The following SLIT3 variants were observed in gnomAD, a reference collection of about 807,000 sequenced individuals.
The protein encoded by SLIT3 is slit guidance ligand 3, also known as slit homolog 3 protein.
In SLIT3, 68 loss-of-function variants were observed where a neutral mutation model predicts 184.0. The observed-to-expected ratio is 0.37, with a 90% CI of 0.30 to 0.45. SLIT3 has a LOEUF of 0.45. Among genes scored for constraint, SLIT3 ranks in the 20% least tolerant of loss-of-function variants. The probability of loss-of-function intolerance (pLI) is 1.00; values close to 1 mark genes in which losing one functional copy is unlikely to be tolerated. For synonymous variants in SLIT3, 831 were observed against 828.6 expected (o/e 1.00, Z -0.05); for missense variants, 1,707 against 2,026.0 (o/e 0.84, Z 3.02).
At chr5:169,232,406 G>A (rs893333899) in intron 3 of SLIT3, among the ~76,000 whole-genome samples, 3 of 152,128 alleles carry the variant, frequency 2.0e-5, no homozygotes, top group Admixed American at 6.6e-5. Flanking sequence ...TGTATTTTTA[G>A]TAGAGATGGG....
At chr5:168,692,200 G>C (rs1470684632) in intron 29 of SLIT3, among the ~76,000 whole-genome samples, 1 of 152,348 alleles carries the variant, frequency 6.6e-6, no homozygotes, top group African/African-American at 2.4e-5. Context: ...GCTGCACATG[G>C]AGAAGGTGAC....
At chr5:169,088,704 C>T (rs558089158) in intron 4 of SLIT3, among the ~76,000 whole-genome samples, 151 of 152,070 alleles carry the variant, frequency 9.9e-4, no homozygotes, top group Non-Finnish European at 1.7e-3. Context: ...TGAGGAATAC[C>T]GATTCCAGGC....
At chr5:168,798,313 G>A (rs1474831030) in intron 9 of SLIT3, among the ~76,000 whole-genome samples, 6 of 148,074 alleles carry the variant, frequency 4.1e-5, no homozygotes, top group East Asian at 2.1e-4. Flanking sequence ...AACCTTGAAC[G>A]CCTGGGCTCA....
chr5:168,666,292 G>A lies in SLIT3; in HGVS notation c.*162C>T. 1.7e-6 allele frequency: 1 copy of A among 585,800 alleles called. No homozygotes were observed. Among genetic ancestry groups the A allele is most frequent in the East Asian group, 3.1e-5 (1 of 32,784 alleles). The allele number at this position is 585,800 out of a possible 1,614,324, so 36.3% of individuals were successfully genotyped here. On this transcript the variant is annotated 3_prime_UTR_variant, in exon 36 of 36. Coordinates refer to ENST00000519560, the MANE Select transcript of SLIT3 (RefSeq NM_003062.4). ...TAGTCACTTTCCATAATAAAAATAA[G>A]TTCTATTTTTTGTTTATTTTACAAT...
Position 168,749,537 on chromosome 5 carries a change from T to C in SLIT3, c.2072A>G (p.Gln691Arg), listed in dbSNP as rs749721545. 1.2e-6 allele frequency: 2 copies of C among 1,614,216 alleles called. No homozygotes were observed. The highest frequency in any genetic ancestry group is 1.7e-6 in the Non-Finnish European group (2 of 1,180,030). Residue 691 changes from glutamine to arginine, a missense_variant, in exon 19 of 36, where the codon CAG becomes CGG. Physicochemically the swap from Gln to Arg is conservative, Grantham distance 43. Transcript: ENST00000519560. ...AATCTCCTTGAGGAAAAATGGCTTCTGGCACCTAGGGTTCCCACTGACGAT... is the reference window on the plus strand; with the variant it reads ...AATCTCCTTGAGGAAAAATGGCTTCCGGCACCTAGGGTTCCCACTGACGAT... ...RRIVSGNPRCQKPFFLKEIPI... is the reference protein window; with the variant it reads ...RRIVSGNPRCRKPFFLKEIPI...
intron 4 of SLIT3, among the ~76,000 whole-genome samples, chr5:168,944,380 G>A (rs907792710): frequency 3.3e-5 from 5 of 152,180 alleles, no homozygotes; most frequent in Admixed American, 1.3e-4. Flanking sequence ...TTAATAGGCT[G>A]CTCCTTGCAA....
At chr5:168,672,857 G>C (rs1369419884) in intron 33 of SLIT3, among the ~76,000 whole-genome samples, 3 of 152,190 alleles carry the variant, frequency 2.0e-5, no homozygotes, top group African/African-American at 7.2e-5. Flanking sequence ...GGAGGTGGCA[G>C]AGCAGAGGGA....
intron 4 of SLIT3, among the ~76,000 whole-genome samples, chr5:169,133,509 A>T (rs1761381520): frequency 6.6e-6 from 1 of 152,228 alleles, no homozygotes; most frequent in African/African-American, 2.4e-5. Flanking sequence ...TCACTGAGCG[A>T]CATGCTGACG....
chr5:168,953,374 A>G (rs1281440570), intron 4 of SLIT3, among the ~76,000 whole-genome samples: 1 of 152,188 alleles, frequency 6.6e-6, no homozygotes, highest in Non-Finnish European at 1.5e-5. Context: ...AGGGCCTACC[A>G]CCCAGGAAGG....
chr5:168,825,782 A>T (rs12716239), intron 6 of SLIT3, among the ~76,000 whole-genome samples: 45,443 of 152,094 alleles, frequency 0.3, 9,514 homozygotes, highest in African/African-American at 0.6. Context: ...CAGACCAGGC[A>T]CTCTGCCTTG....
At position 168,712,325 on chromosome 5, in the gene SLIT3, A is replaced by G; in HGVS notation, c.2513T>C (p.Val838Ala). Reference sequence around the variant, plus strand: ...GAGGTCGTTGAAGGAGCCTTCAGGAACGCTGGAAATGTCATTGCCATGGAG... The same window carrying G: ...GAGGTCGTTGAAGGAGCCTTCAGGAGCGCTGGAAATGTCATTGCCATGGAG... ...LTLHGNDISS[V>A]PEGSFNDLTS... Residue 838 changes from valine (V) to alanine (A), a missense_variant, in exon 24 of 36, where the codon GTT becomes GCT. Transcript: ENST00000519560. The G allele has an allele frequency of 6.2e-7, 1 of 1,614,204 alleles. No homozygotes were observed. Among genetic ancestry groups the G allele is most frequent in the Non-Finnish European group, 8.5e-7 (1 of 1,180,018 alleles).
intron 4 of SLIT3, among the ~76,000 whole-genome samples, chr5:169,002,325 A>C (rs1755735139): frequency 8.9e-6 from 1 of 112,634 alleles, no homozygotes; most frequent in African/African-American, 4.3e-5. Flanking sequence ...TCTGTCTCAA[A>C]AAAAAAAAAA....
chr5:168,864,042 C>CAAA (rs34983916), intron 5 of SLIT3, among the ~76,000 whole-genome samples: 1 of 98,134 alleles, frequency 1.0e-5, no homozygotes, highest in Non-Finnish European at 2.2e-5. Context: ...TAAAAAAATA[C>CAAA]AAAAAAAAAA....
chr5:169,141,668 G>A (rs1041576634), intron 4 of SLIT3, among the ~76,000 whole-genome samples: 8 of 151,856 alleles, frequency 5.3e-5, no homozygotes, highest in Non-Finnish European at 8.8e-5. Context: ...GAACCCGGGA[G>A]GCGGAGCTTG....
chr5:169,242,776 T>C (rs1349916821), intron 3 of SLIT3, among the ~76,000 whole-genome samples: 5 of 152,152 alleles, frequency 3.3e-5, no homozygotes, highest in Non-Finnish European at 7.4e-5. Context: ...GGAGAAATAA[T>C]CAGGTTTCCT....
In SLIT3 at chr5:168,838,234, C is replaced by T. The variant is rs114361568; in HGVS notation, c.557+6350G>A. ...TGGATCTGAGTTCGGAAAGAGTAGT[C>T]CCCTCGTACTTGCCACTGTGACTCT... On this transcript the variant is annotated intron_variant, in intron 6 of 35. Coordinates refer to ENST00000519560, the MANE Select transcript of SLIT3 (RefSeq NM_003062.4). Among the ~76,000 whole-genome samples the T allele has an allele frequency of 5.6e-3, 858 of 152,222 alleles. 8 individuals are homozygous for T. Among genetic ancestry groups the T allele is most frequent in the African/African-American group, 0.02 (817 of 41,534 alleles).
At chr5:168,892,635 A>G (rs1170085914) in intron 4 of SLIT3, among the ~76,000 whole-genome samples, 1 of 152,222 alleles carries the variant, frequency 6.6e-6, no homozygotes, top group Non-Finnish European at 1.5e-5. Context: ...ACCTCTTTGC[A>G]GCCATAGGAT....
chr5:168,958,095 G>A (rs781264581), intron 4 of SLIT3, among the ~76,000 whole-genome samples: 1 of 152,214 alleles, frequency 6.6e-6, no homozygotes, highest in Admixed American at 6.5e-5. Flanking sequence ...AGTGGATAGA[G>A]TAGTGTGATA....
intron 3 of SLIT3, among the ~76,000 whole-genome samples, chr5:169,239,885 C>A (rs1184283802): frequency 6.6e-6 from 1 of 151,962 alleles, no homozygotes; most frequent in Non-Finnish European, 1.5e-5. Context: ...ATAATATATA[C>A]CATGAATTGA....
Sources: gnomAD v4.1 joint callset for allele counts (sites outside exome capture counted in the v4.1 genomes callset) on GRCh38, gnomAD v4.1.1 for gene constraint, MANE v1.5 for transcripts, NCBI Gene and HGNC (gene_info 2026-07-23, HGNC 2026-07-21) for gene names.